Variants in ERBB4 observed in about 807,000 individuals in gnomAD.
ERBB4 encodes the protein erb-b2 receptor tyrosine kinase 4, also known as receptor tyrosine-protein kinase erbB-4.
Under a neutral mutation model 158.0 loss-of-function variants are expected in ERBB4, and 42 were observed. The ratio of observed to expected loss-of-function variants is 0.27; its 90% confidence interval spans 0.21 to 0.34. ERBB4 has a LOEUF of 0.34. Ranked by LOEUF, ERBB4 falls within the 10% of genes least tolerant of loss-of-function variation. The probability of loss-of-function intolerance (pLI) is 1.00; values close to 1 mark genes in which losing one functional copy is unlikely to be tolerated. For synonymous variants in ERBB4, 583 were observed against 558.7 expected (o/e 1.04, Z -0.61); for missense variants, 1,333 against 1,624.1 (o/e 0.82, Z 3.08).
intron 1 of ERBB4, among the ~76,000 whole-genome samples, chr2:212,453,629 T>C (rs1458470695): frequency 6.6e-6 from 1 of 152,200 alleles, no homozygotes; most frequent in African/African-American, 2.4e-5. Flanking sequence ...GCAAACGAGG[T>C]ATGCTTTTTA....
At chr2:212,465,291 A>G (rs1170229690) in intron 1 of ERBB4, among the ~76,000 whole-genome samples, 1 of 152,112 alleles carries the variant, frequency 6.6e-6, no homozygotes, top group Non-Finnish European at 1.5e-5. Flanking sequence ...CAAAATTGCT[A>G]AAGTTAAGCC....
intron 25 of ERBB4, among the ~76,000 whole-genome samples, chr2:211,416,417 AAAG>A (rs1305884141): frequency 6.6e-6 from 1 of 152,232 alleles, no homozygotes; most frequent in Non-Finnish European, 1.5e-5. Context: ...TATCTAGAGA[AAAG>A]AAGGCCGCAA....
intron 2 of ERBB4, among the ~76,000 whole-genome samples, chr2:212,012,415 A>ATTTTTTTTT (rs34430050): frequency 7.9e-6 from 1 of 126,584 alleles, no homozygotes. Flanking sequence ...TAAGAACTGC[A>ATTTTTTTTT]TTTTTTTTTT....
intron 19 of ERBB4, among the ~76,000 whole-genome samples, chr2:211,592,554 G>GA (rs1176679504): frequency 2.6e-5 from 4 of 152,098 alleles, no homozygotes; most frequent in Non-Finnish European, 5.9e-5. Flanking sequence ...AAGGATGCAT[G>GA]AAAAATAAAA....
intron 1 of ERBB4, among the ~76,000 whole-genome samples, chr2:212,532,719 A>G (rs1692822573): frequency 6.6e-6 from 1 of 152,222 alleles, no homozygotes; most frequent in Non-Finnish European, 1.5e-5. Context: ...ACACAATAGC[A>G]AGGCTGTTGC....
At chr2:211,896,401 C>A (rs1261107924) in intron 3 of ERBB4, among the ~76,000 whole-genome samples, 2 of 152,128 alleles carry the variant, frequency 1.3e-5, no homozygotes, top group African/African-American at 4.8e-5. Flanking sequence ...CATACTTAGT[C>A]CATCATCAGT....
intron 20 of ERBB4, among the ~76,000 whole-genome samples, chr2:211,491,369 T>C (rs1274557779): frequency 6.6e-6 from 1 of 152,032 alleles, no homozygotes; most frequent in African/African-American, 2.4e-5. Context: ...CTGCCTCAAG[T>C]TGAGGATTCT....
intron 4 of ERBB4, among the ~76,000 whole-genome samples, chr2:211,785,010 C>T (rs924836761): frequency 3.3e-5 from 5 of 152,052 alleles, no homozygotes; most frequent in Middle Eastern, 3.4e-3. Flanking sequence ...TATTAATTCC[C>T]TATCAGATAC....
In ERBB4 at chr2:211,722,453, G is replaced by T. The variant is rs1233353155; in HGVS notation, c.823C>A (p.Leu275Met). The T allele has an allele frequency of 6.2e-7, 1 of 1,613,584 alleles. No homozygotes were observed. The highest frequency in any genetic ancestry group is 2.2e-5 in the East Asian group (1 of 44,870). ...TFVYNPTTFQ[L>M]EHNFNAKYTY... ...TACTTTGCATTGAAATTGTGCTCCAGTTGAAAGGTGGTTGGATTGTAGACA... is the reference window on the plus strand; with the variant it reads ...TACTTTGCATTGAAATTGTGCTCCATTTGAAAGGTGGTTGGATTGTAGACA... Residue 275 changes from leucine (L) to methionine (M), a missense_variant, in exon 7 of 28, where the codon CTG becomes ATG. Coordinates refer to ENST00000342788, the MANE Select transcript of ERBB4 (RefSeq NM_005235.3).
At chr2:212,285,198 T>C (rs2085915306) in intron 1 of ERBB4, among the ~76,000 whole-genome samples, 1 of 152,142 alleles carries the variant, frequency 6.6e-6, no homozygotes, top group South Asian at 2.1e-4. Context: ...AGATAATCAT[T>C]CAGCACTATG....
chr2:211,996,746 C>A (rs989771763), intron 2 of ERBB4, among the ~76,000 whole-genome samples: 1 of 152,152 alleles, frequency 6.6e-6, no homozygotes, highest in African/African-American at 2.4e-5. Flanking sequence ...GAATTCTTCA[C>A]AAGTTTGGTT....
rs117833562 is a variant in ERBB4 at position 212,254,523 on chromosome 2, G to A, written c.83-129620C>T. Among the ~76,000 whole-genome samples the A allele has an allele frequency of 1.2e-4, 19 of 152,226 alleles. No homozygotes were observed. In the East Asian group the frequency reaches 1.9e-3, roughly 15 times the overall value. The stretch of plus-strand genomic sequence containing the variant: ...TTAGACTGGCTCAATCTGCTCTACC[G>A]TGGGATCACAATCATTTGAACAAAC... On this transcript the variant is annotated intron_variant, in intron 1 of 27. Coordinates refer to ENST00000342788, the MANE Select transcript of ERBB4 (RefSeq NM_005235.3).
intron 1 of ERBB4, among the ~76,000 whole-genome samples, chr2:212,482,626 T>C (rs1489115597): frequency 6.6e-6 from 1 of 152,210 alleles, no homozygotes; most frequent in East Asian, 1.9e-4. Flanking sequence ...TGTTTGTTTG[T>C]TTGTTTTCTG....
intron 3 of ERBB4, among the ~76,000 whole-genome samples, chr2:211,901,749 C>T (rs1461663327): frequency 6.6e-6 from 1 of 151,992 alleles, no homozygotes; most frequent in African/African-American, 2.4e-5. Context: ...AGCTTTTTTC[C>T]TATATTTATC....
intron 13 of ERBB4, among the ~76,000 whole-genome samples, chr2:211,675,943 A>G (rs2072055045): frequency 2.6e-5 from 4 of 151,838 alleles, no homozygotes; most frequent in Non-Finnish European, 5.9e-5. Flanking sequence ...TAATGATAAC[A>G]TTTATGGTAG....
intron 18 of ERBB4, among the ~76,000 whole-genome samples, chr2:211,622,382 T>C (rs2069637968): frequency 6.6e-6 from 1 of 152,122 alleles, no homozygotes; most frequent in Admixed American, 6.6e-5. Context: ...ACTCAAATTT[T>C]TGTCAAATTA....
At chr2:212,429,973 G>C (rs1053638491) in intron 1 of ERBB4, among the ~76,000 whole-genome samples, 3 of 152,130 alleles carry the variant, frequency 2.0e-5, no homozygotes, top group Non-Finnish European at 4.4e-5. Context: ...GAAGTAATGG[G>C]ATTCATACAT....
intron 1 of ERBB4, among the ~76,000 whole-genome samples, chr2:212,418,191 C>T (rs1419628618): frequency 6.6e-6 from 1 of 151,882 alleles, no homozygotes; most frequent in African/African-American, 2.4e-5. Context: ...CAAGACAGTA[C>T]TCCAGAGAAA....
At chr2:212,456,086 A>G (rs2106044908) in intron 1 of ERBB4, among the ~76,000 whole-genome samples, 1 of 152,286 alleles carries the variant, frequency 6.6e-6, no homozygotes, top group East Asian at 1.9e-4. Flanking sequence ...TCTTAAGGAA[A>G]TAATGGTTTA....
Sources: gnomAD v4.1 joint callset for allele counts (sites outside exome capture counted in the v4.1 genomes callset) on GRCh38, gnomAD v4.1.1 for gene constraint, MANE v1.5 for transcripts, NCBI Gene and HGNC (gene_info 2026-07-23, HGNC 2026-07-21) for gene names.